Variants in PHF3 observed in about 807,000 individuals in gnomAD.
PHF3 encodes PHD finger protein 3.
In PHF3, 41 loss-of-function variants were observed where a neutral mutation model predicts 178.4. That is an observed-to-expected ratio of 0.23 (90% CI 0.18 to 0.30). The LOEUF (loss-of-function observed/expected upper bound fraction) is 0.30. Ranked by LOEUF, PHF3 falls within the 10% of genes least tolerant of loss-of-function variation. PHF3 has a pLI of 1.00. For synonymous variants in PHF3, 842 were observed against 800.5 expected (o/e 1.05, Z -0.88); for missense variants, 2,346 against 2,398.1 (o/e 0.98, Z 0.45).
chr6:63,707,469 G>A (rs966127778), intron 13 of PHF3, among the ~76,000 whole-genome samples: 1 of 152,198 alleles, frequency 6.6e-6, no homozygotes, highest in Non-Finnish European at 1.5e-5. Flanking sequence ...TGGAAAATAA[G>A]CAGCAGTAAC....
intron 2 of PHF3, among the ~76,000 whole-genome samples, chr6:63,668,268 G>GAAAA (rs1264794653): frequency 1.3e-5 from 2 of 152,232 alleles, no homozygotes; most frequent in East Asian, 3.8e-4. Context: ...TGATCTTTCA[G>GAAAA]AGTAAAGAGT....
chr6:63,711,155 T>G lies in PHF3; in HGVS notation c.3802-12T>G. The G allele has an allele frequency of 1.3e-6, 2 of 1,564,468 alleles. No homozygotes were observed. The highest frequency in any genetic ancestry group is 1.7e-6 in the Non-Finnish European group (2 of 1,154,960). On this transcript the variant is annotated splice_polypyrimidine_tract_variant and intron_variant, in intron 14 of 15. Coordinates refer to ENST00000262043, the MANE Select transcript of PHF3 (RefSeq NM_001370348.2). ...ATTACCTTAAACAATTATTTGTTAT[T>G]TTCTTGAACAGGAAATTTGTGTGGT...
chr6:63,642,041 C>T (rs1311112109), intron 1 of PHF3, among the ~76,000 whole-genome samples: 1 of 152,122 alleles, frequency 6.6e-6, no homozygotes, highest in African/African-American at 2.4e-5. Context: ...ATAAACTAAA[C>T]CTGACTTCAG....
chr6:63,691,882 A>T lies in PHF3; in HGVS notation c.2335A>T (p.Ile779Leu). The change falls in exon 5 of 16, where the codon ATA becomes TTA. Residue 779 changes from isoleucine (I) to leucine (L), a missense_variant. Around this residue, in one of 8 missense-constraint regions of PHF3, gnomAD observed 252 missense variants for 232.0 expected, o/e 1.09. Transcript: ENST00000262043. ...TGCTGAAGAAGACAAAAAGACTGAAATACTAGATCCAGATACTTTGGAAAA... is the reference window on the plus strand; with the variant it reads ...TGCTGAAGAAGACAAAAAGACTGAATTACTAGATCCAGATACTTTGGAAAA... ...CCAEEDKKTE[I>L]LDPDTLENQA... 6.2e-7 allele frequency: 1 copy of T among 1,613,822 alleles called. No homozygotes were observed.
intron 3 of PHF3, among the ~76,000 whole-genome samples, chr6:63,683,482 A>G (rs527885661): frequency 6.6e-6 from 1 of 152,082 alleles, no homozygotes; most frequent in South Asian, 2.1e-4. Context: ...CTTATGATAC[A>G]TTTGCTTGGT....
intron 2 of PHF3, chr6:63,679,796 C>G: frequency 1.6e-6 from 1 of 610,366 alleles, no homozygotes; most frequent in Non-Finnish European, 3.1e-6. Flanking sequence ...TGACTAATTA[C>G]TTTACAAGGT....
At chr6:63,642,390 A>G (rs1764614333) in intron 1 of PHF3, among the ~76,000 whole-genome samples, 1 of 152,174 alleles carries the variant, frequency 6.6e-6, no homozygotes, top group African/African-American at 2.4e-5. Context: ...TTATATGTTT[A>G]TGTCATTTTG....
chr6:63,720,830 G>A lies in PHF3; in HGVS notation c.*7122G>A, dbSNP rs1261162221. ...AGTTTTTATGTGGATCAATATCCTC[G>A]GAAAGAATTAGACTGTTATTTATGT... On this transcript the variant is annotated 3_prime_UTR_variant, in exon 16 of 16. Transcript: ENST00000262043. The A allele has an allele frequency of 4.5e-6, 7 of 1,550,930 alleles. No homozygotes were observed. The East Asian group carries it at 9.8e-5, about 22-fold the overall frequency.
chr6:63,699,716 G>A (rs1221028824), intron 8 of PHF3, among the ~76,000 whole-genome samples: 13 of 151,962 alleles, frequency 8.6e-5, no homozygotes, highest in Non-Finnish European at 1.3e-4. Flanking sequence ...TCAGCCTCCC[G>A]AGTAGCTGGG....
chr6:63,670,489 C>T (rs1278005459), intron 2 of PHF3, among the ~76,000 whole-genome samples: 1 of 151,962 alleles, frequency 6.6e-6, no homozygotes, highest in African/African-American at 2.4e-5. Flanking sequence ...AGGATGGTCT[C>T]GTTAGCCAGG....
Position 63,715,413 on chromosome 6 carries a change from G to T in PHF3, c.*1705G>T, listed in dbSNP as rs751892437. The T allele has an allele frequency of 1.3e-5, 2 of 152,050 alleles. No individual in the cohort carries two copies. The highest frequency in any genetic ancestry group is 2.4e-5 in the African/African-American group (1 of 41,400). The allele number at this position is 152,050 out of a possible 1,614,324, so 9.4% of individuals were successfully genotyped here. A position where few individuals can be genotyped will look rare whatever the true frequency, so the allele number is the denominator to read the frequency against. ...CCATTACAAAGAAATTGCTGTCAGG[G>T]TTTTACACATTTTAAAAACATTTCA... is the stretch of plus-strand genomic sequence containing the variant. On this transcript the variant is annotated 3_prime_UTR_variant, in exon 16 of 16. Transcript: ENST00000262043.
At chr6:63,643,911 CA>C (rs751920437) in intron 1 of PHF3, among the ~76,000 whole-genome samples, 1 of 151,818 alleles carries the variant, frequency 6.6e-6, no homozygotes, top group Admixed American at 6.6e-5. Context: ...TTATTGAAAA[CA>C]AAAAAAATTG....
At position 63,712,122 on chromosome 6, in the gene PHF3, A is replaced by G; in HGVS notation, c.4534A>G (p.Asn1512Asp). Residue 1512 changes from asparagine to aspartate, a missense_variant, in exon 16 of 16, where the codon AAT (asparagine) becomes GAT (aspartate). Asn to Asp is a conservative substitution (Grantham distance 23). Around this residue, in one of 8 missense-constraint regions of PHF3, gnomAD observed 839 missense variants for 806.9 expected, o/e 1.04. Transcript: ENST00000262043. ...CAACTCAAAAATAGAGAAAACAGATAATGTGGAAGTAACTGATGGTGAAAA... is the reference window on the plus strand; with the variant it reads ...CAACTCAAAAATAGAGAAAACAGATGATGTGGAAGTAACTGATGGTGAAAA... Reference protein sequence around the residue: ...QTNSKIEKTDNVEVTDGENKE... With the variant: ...QTNSKIEKTDDVEVTDGENKE... The G allele has an allele frequency of 6.2e-7, 1 of 1,613,380 alleles. No homozygotes were observed. Among genetic ancestry groups the G allele is most frequent in the Non-Finnish European group, 8.5e-7 (1 of 1,179,832 alleles).
At chr6:63,640,457 C>T (rs1460361612) in intron 1 of PHF3, among the ~76,000 whole-genome samples, 1 of 152,080 alleles carries the variant, frequency 6.6e-6, no homozygotes, top group Non-Finnish European at 1.5e-5. Context: ...ATAGTACCTG[C>T]CTAATGGTTT....
rs745604429 is a variant in PHF3 at position 63,685,089 on chromosome 6, G to A, written c.1367G>A (p.Ser456Asn). 1 of 1,613,992 alleles carries A rather than the reference G, an allele frequency of 6.2e-7. No individual in the cohort carries two copies. Residue 456 changes from serine (S) to asparagine (N), a missense_variant, in exon 4 of 16, where the codon AGT becomes AAT. This residue lies in a region of PHF3 where 843 missense variants were observed against 795.2 expected (regional missense o/e 1.06). Coordinates refer to ENST00000262043, the MANE Select transcript of PHF3 (RefSeq NM_001370348.2). ...QNSKQLNAIESTKIESHETAN... is the reference protein window; with the variant it reads ...QNSKQLNAIENTKIESHETAN... ...TCAAAACAGTTGAATGCTATAGAAA[G>A]TACTAAAATAGAGTCCCATGAAACA... is the stretch of plus-strand genomic sequence containing the variant.
intron 2 of PHF3, among the ~76,000 whole-genome samples, chr6:63,648,542 T>A (rs1764885353): frequency 6.6e-6 from 1 of 152,204 alleles, no homozygotes; most frequent in African/African-American, 2.4e-5. Flanking sequence ...TGTCCTTTTT[T>A]AAAAATTGAT....
chr6:63,682,038 A>G (rs1202311395), intron 3 of PHF3, among the ~76,000 whole-genome samples: 5 of 152,150 alleles, frequency 3.3e-5, no homozygotes, highest in Non-Finnish European at 5.9e-5. Flanking sequence ...AGATTTCAGT[A>G]TATACAAATT....
chr6:63,644,580 C>T (rs2149537579), intron 1 of PHF3, among the ~76,000 whole-genome samples: 1 of 152,090 alleles, frequency 6.6e-6, no homozygotes, highest in East Asian at 1.9e-4. Flanking sequence ...AGCAGCAAAT[C>T]TGTAAAGTAG....
At chr6:63,689,790 T>G (rs1766915967) in intron 4 of PHF3, among the ~76,000 whole-genome samples, 1 of 152,196 alleles carries the variant, frequency 6.6e-6, no homozygotes. Context: ...GTGCTTTATA[T>G]TTTGACCTTT....
Sources: gnomAD v4.1 joint callset for allele counts (sites outside exome capture counted in the v4.1 genomes callset) on GRCh38, gnomAD v4.1.1 for gene constraint, gnomAD v4.1.1 regional missense constraint, MANE v1.5 for transcripts, NCBI Gene and HGNC (gene_info 2026-07-23, HGNC 2026-07-21) for gene names.